PLD5: variants seen among roughly 807,000 people sequenced by gnomAD.
PLD5 encodes the protein inactive phospholipase D5.
A neutral mutation model predicts 61.1 loss-of-function variants in PLD5; 36 were observed. The ratio of observed to expected loss-of-function variants is 0.59; its 90% confidence interval spans 0.45 to 0.78. The LOEUF (loss-of-function observed/expected upper bound fraction) is 0.78, where lower values mean the gene tolerates loss of function less well. PLD5 is among the 30% of genes least tolerant of loss of function. The probability of loss-of-function intolerance (pLI) is 0.00; values close to 1 mark genes in which losing one functional copy is unlikely to be tolerated. For missense variants in PLD5, 515 were observed against 644.4 expected, an observed-to-expected ratio of 0.80 and a Z score of 2.17; for synonymous variants, 243 against 242.8, an observed-to-expected ratio of 1.00 and a Z score of -0.01.
At chr1:242,124,363 G>A (rs2148733472) in intron 6 of PLD5, 105 bp downstream of exon 6, 2 of 1,076,558 alleles carry the variant, frequency 1.9e-6, no homozygotes, top group Non-Finnish European at 2.7e-6. Flanking sequence ...TAGAACCACT[G>A]TAATTCATTT....
At chr1:242,299,326 C>A (rs1189726505) in intron 2 of PLD5, among the ~76,000 whole-genome samples, 1 of 152,124 alleles carries the variant, frequency 6.6e-6, no homozygotes, top group South Asian at 2.1e-4. Context: ...TACAATTAAG[C>A]TATTATTAAC....
intron 4 of PLD5, among the ~76,000 whole-genome samples, chr1:242,264,690 T>C (rs1420705194): frequency 6.6e-6 from 1 of 152,192 alleles, no homozygotes; most frequent in Non-Finnish European, 1.5e-5. Context: ...CTTTTCCTTT[T>C]AGAGGCTTAC....
chr1:242,145,798 G>A lies in PLD5; in HGVS notation c.736-21133C>T, dbSNP rs192258707. Among the ~76,000 whole-genome samples the A allele has an allele frequency of 2.6e-3, 399 of 152,168 alleles. 1 individual carries two copies. The highest frequency in any genetic ancestry group is 9.0e-3 in the African/African-American group (373 of 41,528). On this transcript the variant is annotated intron_variant, in intron 5 of 9. Transcript: ENST00000536534. ...AGTGATTCTCTTGCCTCAGCCTCCT[G>A]AGTAGCTGGGATTATAGGCGCACAC... is the stretch of plus-strand genomic sequence containing the variant.
intron 1 of PLD5, among the ~76,000 whole-genome samples, chr1:242,422,235 C>T (rs1055271704): frequency 1.3e-4 from 20 of 152,096 alleles, no homozygotes; most frequent in Non-Finnish European, 4.4e-5. Flanking sequence ...GAGAAGGGAA[C>T]GAGAACATCT....
intron 1 of PLD5, among the ~76,000 whole-genome samples, chr1:242,377,722 A>G (rs567535108): frequency 1.5e-4 from 23 of 152,322 alleles, no homozygotes; most frequent in African/African-American, 4.8e-4. Flanking sequence ...AAGGAGTTCA[A>G]TGGACATTTC....
chr1:242,142,500 T>C (rs1172421494), intron 5 of PLD5, among the ~76,000 whole-genome samples: 1 of 152,212 alleles, frequency 6.6e-6, no homozygotes, highest in Non-Finnish European at 1.5e-5. Context: ...TTTTTCCACT[T>C]AATTTTGTCC....
intron 7 of PLD5, among the ~76,000 whole-genome samples, chr1:242,109,140 C>T (rs1430510796): frequency 1.3e-5 from 2 of 152,210 alleles, no homozygotes. Context: ...TCGATGACCA[C>T]CGCAGTGATC....
chr1:242,272,864 C>A (rs913323092), intron 3 of PLD5, among the ~76,000 whole-genome samples: 14 of 151,974 alleles, frequency 9.2e-5, no homozygotes, highest in African/African-American at 3.4e-4. Context: ...TAGAAGGGAA[C>A]TTAATAGATA....
At chr1:242,233,623 C>G (rs975918458) in intron 4 of PLD5, among the ~76,000 whole-genome samples, 2 of 151,994 alleles carry the variant, frequency 1.3e-5, no homozygotes, top group African/African-American at 4.8e-5. Context: ...AAGAAGCAAG[C>G]AAGGAAGCAA....
At chr1:242,114,993 A>C (rs1164893485) in intron 6 of PLD5, among the ~76,000 whole-genome samples, 1 of 152,100 alleles carries the variant, frequency 6.6e-6, no homozygotes, top group African/African-American at 2.4e-5. Flanking sequence ...CCTGGCCAAC[A>C]TGGTGAAACC....
At chr1:242,402,510 C>T (rs901951367) in intron 1 of PLD5, among the ~76,000 whole-genome samples, 4 of 152,108 alleles carry the variant, frequency 2.6e-5, no homozygotes, top group African/African-American at 9.7e-5. Flanking sequence ...TGGTTGCCTA[C>T]CTTATACAAT....
chr1:242,248,658 G>T (rs1250344018), intron 4 of PLD5, among the ~76,000 whole-genome samples: 1 of 151,768 alleles, frequency 6.6e-6, no homozygotes, highest in Non-Finnish European at 1.5e-5. Flanking sequence ...CTGGGCAGCT[G>T]CCCTCACTTT....
At chr1:242,220,389 G>A (rs1329455103) in intron 4 of PLD5, among the ~76,000 whole-genome samples, 1 of 152,204 alleles carries the variant, frequency 6.6e-6, no homozygotes, top group Non-Finnish European at 1.5e-5. Flanking sequence ...TTTGCATATA[G>A]TGACAAGACC....
intron 1 of PLD5, among the ~76,000 whole-genome samples, chr1:242,469,738 C>T (rs1302806024): frequency 1.3e-5 from 2 of 152,066 alleles, no homozygotes; most frequent in Non-Finnish European, 2.9e-5. Flanking sequence ...AAGCTCTTTG[C>T]ACCACACATC....
intron 2 of PLD5, among the ~76,000 whole-genome samples, chr1:242,336,253 C>T (rs1317700752): frequency 1.3e-5 from 2 of 152,094 alleles, no homozygotes; most frequent in African/African-American, 2.4e-5. Context: ...ATCTGTCTAT[C>T]CACAATTAAA....
At position 242,261,839 on chromosome 1, in the gene PLD5, G is replaced by T. The variant is rs139561160; in HGVS notation, c.607+3498C>A. 5.2e-4 allele frequency among the ~76,000 whole-genome samples: 79 copies of T among 152,362 alleles called. 1 individual carries two copies. The highest frequency in any genetic ancestry group is 1.8e-3 in the African/African-American group (76 of 41,582). On this transcript the variant is annotated intron_variant, in intron 4 of 9. Coordinates refer to ENST00000536534, the MANE Select transcript of PLD5 (RefSeq NM_001372062.1). The stretch of plus-strand genomic sequence containing the variant: ...AAAACAAGGTGCCAAATTTTGCAAG[G>T]ATGTGGAGCAAACAGAACATTAACA...
intron 1 of PLD5, among the ~76,000 whole-genome samples, chr1:242,467,774 G>A (rs549646639): frequency 1.5e-4 from 23 of 152,242 alleles, no homozygotes; most frequent in African/African-American, 5.1e-4. Context: ...ACTGAACGAT[G>A]GTTCCCAAGC....
At chr1:242,176,711 TACAAAGAACTTAA>T (rs528199521) in intron 5 of PLD5, among the ~76,000 whole-genome samples, 20 of 152,292 alleles carry the variant, frequency 1.3e-4, no homozygotes, top group South Asian at 6.2e-4. Flanking sequence ...ATCCAGCATC[TACAAAGAACTTAA>T]ACAAATTTAC....
chr1:242,527,980 C>T (rs977239394), upstream of PLD5, among the ~76,000 whole-genome samples: 1 of 152,148 alleles, frequency 6.6e-6, no homozygotes, highest in Admixed American at 6.5e-5. Flanking sequence ...GGAGCTGGAG[C>T]CACTCCTGAT....
Sources: allele counts gnomAD v4.1 joint callset (sites outside exome capture counted in the v4.1 genomes callset), GRCh38; gene constraint gnomAD v4.1.1; transcripts MANE v1.5; gene names NCBI Gene and HGNC (gene_info 2026-07-23, HGNC 2026-07-21).